The following FSTL1 variants were observed in gnomAD, a reference collection of about 807,000 sequenced individuals.
FSTL1 encodes the protein follistatin like 1, also known as follistatin-related protein 1.
A neutral mutation model predicts 45.9 loss-of-function variants in FSTL1; 24 were observed. That is an observed-to-expected ratio of 0.52 (90% CI 0.38 to 0.74). The LOEUF (loss-of-function observed/expected upper bound fraction) is 0.74. Among genes scored for constraint, FSTL1 ranks in the 30% least tolerant of loss-of-function variants. The pLI, the probability that FSTL1 is intolerant of heterozygous loss-of-function variation, is 0.00. For missense variants in FSTL1, 340 were observed against 381.8 expected, an observed-to-expected ratio of 0.89 and a Z score of 0.91; for synonymous variants, 120 against 137.6, an observed-to-expected ratio of 0.87 and a Z score of 0.89.
intron 9 of FSTL1, 36 bp downstream of exon 9, chr3:120,402,772 T>A: frequency 8.3e-7 from 1 of 1,200,662 alleles, no homozygotes; most frequent in Admixed American, 1.7e-5. Flanking sequence ...AGCTCTCTCC[T>A]TGCTGTTTTT....
intron 2 of FSTL1, among the ~76,000 whole-genome samples, chr3:120,447,933 G>A (rs1937794618): frequency 6.6e-6 from 1 of 152,218 alleles, no homozygotes. Context: ...TTACAGGCAT[G>A]AGCCACTGAG....
chr3:120,427,555 C>A (rs1937403195), intron 2 of FSTL1, among the ~76,000 whole-genome samples: 1 of 152,164 alleles, frequency 6.6e-6, no homozygotes, highest in African/African-American at 2.4e-5. Context: ...CAGAACTGGT[C>A]TTCTTTGAGG....
intron 2 of FSTL1, among the ~76,000 whole-genome samples, chr3:120,435,407 A>C (rs2107668462): frequency 6.6e-6 from 1 of 152,296 alleles, no homozygotes; most frequent in South Asian, 2.1e-4. Flanking sequence ...CCCTTCTTCC[A>C]GTCTTCCTCA....
chr3:120,406,229 G>A lies in FSTL1; in HGVS notation c.463-1258C>T, dbSNP rs535954677. Among the ~76,000 whole-genome samples, 16 of 152,232 alleles carry A rather than the reference G, an allele frequency of 1.1e-4. No homozygotes were observed. In the South Asian group the frequency reaches 3.3e-3, roughly 32 times the overall value. The stretch of plus-strand genomic sequence containing the variant: ...TATTCACTATACAATTTTCCCTGAC[G>A]AAACTTCCCTGTTTACCTTGTGAAG... On this transcript the variant is annotated intron_variant, in intron 6 of 10. Coordinates refer to ENST00000295633, the MANE Select transcript of FSTL1 (RefSeq NM_007085.5).
chr3:120,398,271 GACA>G (rs1286326970), intron 10 of FSTL1, among the ~76,000 whole-genome samples: 3 of 152,108 alleles, frequency 2.0e-5, no homozygotes, highest in African/African-American at 7.2e-5. Context: ...TTTAAAACCT[GACA>G]ACATTGCCTG....
At chr3:120,422,171 G>A (rs779779073) in intron 2 of FSTL1, among the ~76,000 whole-genome samples, 6 of 152,172 alleles carry the variant, frequency 3.9e-5, no homozygotes, top group Non-Finnish European at 1.5e-5. Context: ...CTGAGAAAAT[G>A]CTCAACAAAT....
At chr3:120,401,964 C>T (rs868718133) in intron 9 of FSTL1, among the ~76,000 whole-genome samples, 7 of 152,212 alleles carry the variant, frequency 4.6e-5, no homozygotes, top group Admixed American at 3.9e-4. Flanking sequence ...CTGGCTTCAA[C>T]ACCCTTCTCT....
At chr3:120,440,584 G>A (rs1937617743) in intron 2 of FSTL1, among the ~76,000 whole-genome samples, 1 of 152,226 alleles carries the variant, frequency 6.6e-6, no homozygotes, top group Non-Finnish European at 1.5e-5. Context: ...CCTCCGGACT[G>A]CAAGCTCTTT....
chr3:120,413,365 A>G (rs1937109727), intron 3 of FSTL1, among the ~76,000 whole-genome samples: 1 of 152,196 alleles, frequency 6.6e-6, no homozygotes, highest in African/African-American at 2.4e-5. Flanking sequence ...CTGTCTTCAC[A>G]GCATCTCCTG....
chr3:120,439,938 AC>A (rs2107670765), intron 2 of FSTL1, among the ~76,000 whole-genome samples: 1 of 152,244 alleles, frequency 6.6e-6, no homozygotes, highest in African/African-American at 2.4e-5. Context: ...ACAAGGTGAA[AC>A]CCTGTCTCCA....
intron 3 of FSTL1, among the ~76,000 whole-genome samples, chr3:120,414,349 C>T (rs530282738): frequency 3.5e-4 from 52 of 150,346 alleles, no homozygotes; most frequent in African/African-American, 1.3e-3. Context: ...CACCTCTTCC[C>T]GGCCGCCATC....
intron 6 of FSTL1, among the ~76,000 whole-genome samples, chr3:120,406,543 A>G (rs919568666): frequency 1.3e-5 from 2 of 152,246 alleles, no homozygotes; most frequent in African/African-American, 4.8e-5. Context: ...CAGTAGGACT[A>G]GAATAAGGCC....
chr3:120,428,775 A>C (rs200337962), intron 2 of FSTL1, among the ~76,000 whole-genome samples: 1 of 140,044 alleles, frequency 7.1e-6, no homozygotes, highest in African/African-American at 2.5e-5. Flanking sequence ...ACAACAACAA[A>C]AAACAGGGAC....
chr3:120,424,285 G>A (rs371110112), intron 2 of FSTL1, among the ~76,000 whole-genome samples: 11 of 152,286 alleles, frequency 7.2e-5, no homozygotes, highest in Admixed American at 5.2e-4. Flanking sequence ...CTGGGTGACA[G>A]AGTGAGACCC....
At chr3:120,429,044 T>C (rs1559741719) in intron 2 of FSTL1, among the ~76,000 whole-genome samples, 1 of 152,234 alleles carries the variant, frequency 6.6e-6, no homozygotes, top group African/African-American at 2.4e-5. Flanking sequence ...GTCCGAGGAA[T>C]ACAGTCTTCC....
At chr3:120,402,696 T>C (rs1936849751) in intron 9 of FSTL1, 112 bp downstream of exon 9, 2 of 733,586 alleles carry the variant, frequency 2.7e-6, no homozygotes, top group Non-Finnish European at 4.9e-6. Context: ...CCTGGGTTCC[T>C]TGCTCCCAGC....
At position 120,396,106 on chromosome 3, in the gene FSTL1, G is replaced by A. The variant is rs12192; in HGVS notation, c.*846C>T. On this transcript the variant is annotated 3_prime_UTR_variant, in exon 11 of 11. Transcript: ENST00000295633. ...TGCATCTAGTATGTGGCAGGGTGGGGGCATCTGGGTTATTTCAGCCCCTGC... is the reference window on the plus strand; with the variant it reads ...TGCATCTAGTATGTGGCAGGGTGGGAGCATCTGGGTTATTTCAGCCCCTGC... The A allele has an allele frequency of 0.24, 35,045 of 146,806 alleles. 5,356 individuals are homozygous for A. Among genetic ancestry groups the A allele is most frequent in the Non-Finnish European group, 0.34 (23,810 of 69,118 alleles). The allele number at this position is 146,806 out of a possible 1,614,324, so 9.1% of individuals were successfully genotyped here. A position where few individuals can be genotyped will look rare whatever the true frequency, so the allele number is the denominator to read the frequency against.
intron 4 of FSTL1, chr3:120,411,351 A>T (rs1937045507): frequency 4.3e-6 from 1 of 233,740 alleles, no homozygotes; most frequent in Non-Finnish European, 8.5e-6. Flanking sequence ...CAAGGCTGAG[A>T]GGGGCTGGGC....
Position 120,445,220 on chromosome 3 carries a change from G to T in FSTL1, c.63+5464C>A, listed in dbSNP as rs116398462. Among the ~76,000 whole-genome samples the T allele has an allele frequency of 3.4e-3, 509 of 149,882 alleles. 64 individuals carry two copies. Among genetic ancestry groups the T allele is most frequent in the African/African-American group, 0.012 (480 of 39,288 alleles). On this transcript the variant is annotated intron_variant, in intron 2 of 10. Coordinates refer to ENST00000295633, the MANE Select transcript of FSTL1 (RefSeq NM_007085.5). ...AAGGCTGTATTTCACTGTGTTTGCT[G>T]CACATCCTTGTAGCTAACAAGGAAA...
Sources: gnomAD v4.1 joint callset for allele counts (sites outside exome capture counted in the v4.1 genomes callset) on GRCh38, gnomAD v4.1.1 for gene constraint, MANE v1.5 for transcripts, NCBI Gene and HGNC (gene_info 2026-07-23, HGNC 2026-07-21) for gene names.